Variants in NUP37 observed in about 807,000 individuals in gnomAD.
The protein encoded by NUP37 is nucleoporin Nup37.
In NUP37, 33 loss-of-function variants were observed where a neutral mutation model predicts 45.4. That is an observed-to-expected ratio of 0.73 (90% CI 0.55 to 0.97). NUP37 has a LOEUF of 0.97. Among genes scored for constraint, NUP37 ranks in the 50% least tolerant of loss-of-function variants. The pLI, the probability that NUP37 is intolerant of heterozygous loss-of-function variation, is 0.00. For missense variants in NUP37, 365 were observed against 389.7 expected (o/e 0.94, Z 0.53); for synonymous variants, 127 against 130.7 (o/e 0.97, Z 0.19).
intron 3 of NUP37, among the ~76,000 whole-genome samples, chr12:102,107,167 G>A (rs1880178683): frequency 6.6e-6 from 1 of 152,102 alleles, no homozygotes; most frequent in Non-Finnish European, 1.5e-5. Flanking sequence ...TTAGTCACTG[G>A]CTTTCTGTGT....
chr12:102,096,214 C>T, intron 5 of NUP37, among the ~76,000 whole-genome samples: 1 of 152,060 alleles, frequency 6.6e-6, no homozygotes, highest in East Asian at 1.9e-4. Flanking sequence ...GTTAGAAAGG[C>T]AGTGTTGGAA....
intron 6 of NUP37, among the ~76,000 whole-genome samples, chr12:102,082,292 G>A (rs1200398283): frequency 6.6e-6 from 1 of 151,944 alleles, no homozygotes; most frequent in African/African-American, 2.4e-5. Flanking sequence ...CTATGAGATA[G>A]GTAATCATGA....
intron 3 of NUP37, among the ~76,000 whole-genome samples, chr12:102,105,349 A>AC (rs1335562427): frequency 6.7e-6 from 1 of 148,836 alleles, no homozygotes; most frequent in Non-Finnish European, 1.5e-5. Context: ...ACATGGCAAA[A>AC]CCCCATCTCT....
intron 3 of NUP37, among the ~76,000 whole-genome samples, chr12:102,101,326 A>C (rs1879966356): frequency 6.6e-6 from 1 of 152,206 alleles, no homozygotes. Context: ...GAGAACACAC[A>C]AAAGGTTAGT....
At position 102,075,082 on chromosome 12, in the gene NUP37, A is replaced by G. The variant is rs1401270494; in HGVS notation, c.786T>C (p.Ile262=). The G allele has an allele frequency of 6.2e-7, 1 of 1,608,264 alleles. No individual in the cohort carries two copies. Among genetic ancestry groups the G allele is most frequent in the Non-Finnish European group, 8.5e-7 (1 of 1,176,322 alleles). ...DRACLFRWST[I]SENLFATTGY... ...CAGTGGTTGCAAACAGATTTTCACT[A>G]ATTGTGGACCACCTAAGAAATAAGG... The change falls in exon 9 of 10, where the codon ATT becomes ATC. Residue 262 remains isoleucine (I), a synonymous_variant. Coordinates refer to ENST00000552283, the MANE Select transcript of NUP37 (RefSeq NM_024057.4).
At position 102,105,396 on chromosome 12, in the gene NUP37, G is replaced by A. The variant is rs35193278; in HGVS notation, c.282-4292C>T. On this transcript the variant is annotated intron_variant, in intron 3 of 9. Transcript: ENST00000552283. ...AATACAAAAATTAGCCGGGTGCAGT[G>A]GCGTGTGCCTGTAGTCCCAGCCACT... Among the ~76,000 whole-genome samples the A allele has an allele frequency of 4.9e-3, 751 of 152,138 alleles. 2 individuals are homozygous for A. The highest frequency in any genetic ancestry group is 8.4e-3 in the Non-Finnish European group (574 of 67,968).
At chr12:102,074,548 T>C (rs961090045) in intron 9 of NUP37, 81 bp from the exon 10 acceptor site, 7 of 793,846 alleles carry the variant, frequency 8.8e-6, no homozygotes, top group East Asian at 2.7e-5. Context: ...AAATATGAAA[T>C]GCATTGATGA....
intron 8 of NUP37, 80 bp downstream of exon 8, chr12:102,076,717 G>A: frequency 8.6e-7 from 1 of 1,160,594 alleles, no homozygotes; most frequent in African/African-American, 1.6e-5. Flanking sequence ...GTGCAAAGAA[G>A]AGAACTACAA....
chr12:102,100,581 C>T (rs1372267459), intron 4 of NUP37, among the ~76,000 whole-genome samples: 2 of 152,192 alleles, frequency 1.3e-5, no homozygotes, highest in Non-Finnish European at 2.9e-5. Context: ...ACCAAGGTCA[C>T]ACCACGACTA....
chr12:102,103,338 A>G (rs953116606), intron 3 of NUP37, among the ~76,000 whole-genome samples: 1 of 152,108 alleles, frequency 6.6e-6, no homozygotes, highest in East Asian at 1.9e-4. Context: ...TATTCCCAAG[A>G]TATTTTGATG....
intron 2 of NUP37, among the ~76,000 whole-genome samples, chr12:102,116,923 C>T (rs1363879304): frequency 1.3e-5 from 2 of 151,774 alleles, no homozygotes; most frequent in African/African-American, 4.8e-5. Context: ...AATTGCTTGA[C>T]CTCGGGAGGC....
chr12:102,074,924 G>A, intron 9 of NUP37, 77 bp downstream of exon 9: 1 of 763,262 alleles, frequency 1.3e-6, no homozygotes. Context: ...TACAAATTTG[G>A]GGCTATGAGT....
At position 102,080,590 on chromosome 12, in the gene NUP37, C is replaced by G. The variant is rs565808167; in HGVS notation, c.541-3087G>C. ...TGTCTGCTTTATTTAATCCCCTAAACCACTGTATGAGGAAATTACTATCGT... is the reference window on the plus strand; with the variant it reads ...TGTCTGCTTTATTTAATCCCCTAAAGCACTGTATGAGGAAATTACTATCGT... On this transcript the variant is annotated intron_variant, in intron 6 of 9. Transcript: ENST00000552283. Among the ~76,000 whole-genome samples, 6 of 152,312 alleles carry G rather than the reference C, an allele frequency of 3.9e-5. No individual in the cohort carries two copies. The East Asian group carries it at 1.2e-3, about 29-fold the overall frequency.
At chr12:102,088,856 C>CGG (rs1879554413) in intron 5 of NUP37, among the ~76,000 whole-genome samples, 1 of 150,936 alleles carries the variant, frequency 6.6e-6, no homozygotes, top group South Asian at 2.1e-4. Flanking sequence ...GAGGTCCCTG[C>CGG]GGCCTTCCGC....
chr12:102,087,579 T>C (rs1879507586), intron 5 of NUP37, among the ~76,000 whole-genome samples: 1 of 152,194 alleles, frequency 6.6e-6, no homozygotes, highest in Non-Finnish European at 1.5e-5. Context: ...CACGATGAAT[T>C]AGATTATTAA....
At chr12:102,118,221 G>T in intron 2 of NUP37, 142 bp downstream of exon 2, 2 of 800,522 alleles carry the variant, frequency 2.5e-6, no homozygotes, top group South Asian at 2.0e-5. Flanking sequence ...ATATAACTGG[G>T]AACATCTTTC....
intron 5 of NUP37, among the ~76,000 whole-genome samples, chr12:102,086,800 T>C (rs1259022193): frequency 6.6e-6 from 1 of 152,174 alleles, no homozygotes; most frequent in Non-Finnish European, 1.5e-5. Flanking sequence ...AGAACTGAAC[T>C]TGACTGGGTG....
chr12:102,075,559 G>A (rs1043476450), intron 8 of NUP37, among the ~76,000 whole-genome samples: 4 of 151,990 alleles, frequency 2.6e-5, no homozygotes, highest in African/African-American at 9.7e-5. Flanking sequence ...CAATTAGACC[G>A]GGAATTCCAG....
intron 6 of NUP37, among the ~76,000 whole-genome samples, chr12:102,078,008 C>T (rs979369410): frequency 1.3e-5 from 2 of 151,968 alleles, no homozygotes; most frequent in Admixed American, 6.6e-5. Flanking sequence ...ATATAAAAAA[C>T]CTTAGAGAAA....
Sources: allele counts gnomAD v4.1 joint callset (sites outside exome capture counted in the v4.1 genomes callset), GRCh38; gene constraint gnomAD v4.1.1; transcripts MANE v1.5; gene names NCBI Gene and HGNC (gene_info 2026-07-23, HGNC 2026-07-21).